The following ANKH variants were observed in gnomAD, a reference collection of about 807,000 sequenced individuals.
The protein encoded by ANKH is ANKH inorganic pyrophosphate transport regulator.
Under a neutral mutation model 49.0 loss-of-function variants are expected in ANKH, and 15 were observed. The ratio of observed to expected loss-of-function variants is 0.31; its 90% CI spans 0.20 to 0.47. The LOEUF is 0.47. ANKH is among the 20% of genes least tolerant of loss of function. The pLI is 1.00. For missense variants in ANKH, 429 were observed against 652.0 expected, an observed-to-expected ratio of 0.66 and a Z score of 3.72; for synonymous variants, 273 against 260.0, an observed-to-expected ratio of 1.05 and a Z score of -0.48.
intron 1 of ANKH, among the ~76,000 whole-genome samples, chr5:14,848,928 C>T (rs1031472292): frequency 3.9e-5 from 6 of 152,180 alleles, no homozygotes; most frequent in Non-Finnish European, 8.8e-5. Flanking sequence ...TAAACTAAAA[C>T]CCTGTCCCCC....
intron 8 of ANKH, among the ~76,000 whole-genome samples, chr5:14,717,707 C>A (rs1234013144): frequency 6.6e-6 from 1 of 152,182 alleles, no homozygotes; most frequent in African/African-American, 2.4e-5. Flanking sequence ...GGCAGAGTTA[C>A]TACAGGTTGA....
At chr5:14,821,585 T>A (rs1741197563) in intron 1 of ANKH, among the ~76,000 whole-genome samples, 1 of 152,226 alleles carries the variant, frequency 6.6e-6, no homozygotes, top group African/African-American at 2.4e-5. Context: ...TAATGTACCA[T>A]CTTCACTGCC....
chr5:14,848,731 G>C (rs993118980), intron 1 of ANKH, among the ~76,000 whole-genome samples: 1 of 152,134 alleles, frequency 6.6e-6, no homozygotes, highest in Non-Finnish European at 1.5e-5. Flanking sequence ...GTTCTCTTCC[G>C]TGACCCACGG....
intron 8 of ANKH, chr5:14,741,340 G>A (rs942142315): frequency 5.2e-6 from 1 of 193,176 alleles, no homozygotes; most frequent in African/African-American, 2.4e-5. Flanking sequence ...TGTATCCTCA[G>A]CAGACAGATG....
At chr5:14,824,934 A>AT (rs768940883) in intron 1 of ANKH, among the ~76,000 whole-genome samples, 4 of 152,250 alleles carry the variant, frequency 2.6e-5, no homozygotes, top group Middle Eastern at 3.2e-3. Flanking sequence ...ACAGTGGAAA[A>AT]TGCTTTGAGA....
chr5:14,789,400 T>C (rs1740086710), intron 1 of ANKH, among the ~76,000 whole-genome samples: 1 of 151,850 alleles, frequency 6.6e-6, no homozygotes, highest in Non-Finnish European at 1.5e-5. Flanking sequence ...TTGCATCACA[T>C]TTAGGTCCCA....
At chr5:14,723,544 C>T (rs1019418922) in intron 8 of ANKH, among the ~76,000 whole-genome samples, 1 of 151,806 alleles carries the variant, frequency 6.6e-6, no homozygotes, top group South Asian at 2.1e-4. Flanking sequence ...GAGGCTAAGG[C>T]GGGAGGACTG....
Position 14,725,013 on chromosome 5 carries a change from A to T in ANKH, c.1012-8178T>A, listed in dbSNP as rs937439195. On this transcript the variant is annotated intron_variant, in intron 8 of 11. Coordinates refer to ENST00000284268, the MANE Select transcript of ANKH (RefSeq NM_054027.6). The surrounding 1 kb of genome is among the most constrained non-coding windows in gnomAD (Gnocchi z 4.0). ...TTTGAATAAAAATCGCTGGCCCTGG[A>T]CATCATTTTTATTTGGCGCTTTTGC... is the stretch of plus-strand genomic sequence containing the variant. Among the ~76,000 whole-genome samples, 5 of 152,010 alleles carry T rather than the reference A, an allele frequency of 3.3e-5. No individual in the cohort carries two copies. Among genetic ancestry groups the T allele is most frequent in the African/African-American group, 1.2e-4 (5 of 41,360 alleles).
chr5:14,856,316 A>G (rs1483407256), intron 1 of ANKH, among the ~76,000 whole-genome samples: 4 of 152,290 alleles, frequency 2.6e-5, no homozygotes, highest in South Asian at 4.1e-4. Flanking sequence ...AAGTCTTTGC[A>G]ATACTATCAT....
intron 1 of ANKH, among the ~76,000 whole-genome samples, chr5:14,841,711 G>C (rs1307820105): frequency 6.6e-6 from 1 of 152,142 alleles, no homozygotes; most frequent in Admixed American, 6.5e-5. Context: ...AACTGAAACT[G>C]TGTCCCCATT....
chr5:14,736,807 A>G (rs1738201470), intron 8 of ANKH, among the ~76,000 whole-genome samples: 1 of 152,144 alleles, frequency 6.6e-6, no homozygotes, highest in African/African-American at 2.4e-5. Flanking sequence ...TCTGCTTGCC[A>G]AGATCCATCT....
chr5:14,729,178 C>T (rs530758128), intron 8 of ANKH, among the ~76,000 whole-genome samples: 4 of 152,148 alleles, frequency 2.6e-5, no homozygotes, highest in Non-Finnish European at 5.9e-5. Flanking sequence ...CTCAGCCTCC[C>T]GAGTGGCTGG....
chr5:14,721,101 C>G (rs1202433987), intron 8 of ANKH, among the ~76,000 whole-genome samples: 1 of 152,236 alleles, frequency 6.6e-6, no homozygotes, highest in African/African-American at 2.4e-5. Flanking sequence ...ACATTGACAT[C>G]AGTATCAGCC....
intron 2 of ANKH, among the ~76,000 whole-genome samples, chr5:14,763,465 G>T (rs1448714320): frequency 2.0e-5 from 3 of 152,212 alleles, no homozygotes; most frequent in African/African-American, 7.2e-5. Flanking sequence ...CCTGCATATG[G>T]GCTGGGACAC....
At chr5:14,846,110 G>A (rs1402785818) in intron 1 of ANKH, among the ~76,000 whole-genome samples, 14 of 152,068 alleles carry the variant, frequency 9.2e-5, no homozygotes, top group Admixed American at 9.2e-4. Context: ...GCCTGCCTCG[G>A]CCTCCCAAAG....
At chr5:14,769,635 GTGT>G (rs1739371742) in intron 1 of ANKH, among the ~76,000 whole-genome samples, 2 of 152,132 alleles carry the variant, frequency 1.3e-5, no homozygotes, top group Admixed American at 6.5e-5. Context: ...GTGTGTGTGT[GTGT>G]GTGTGTTCAT....
At chr5:14,758,732 A>C (rs1415270753) in intron 2 of ANKH, 134 bp from the exon 3 acceptor site, 8 of 737,978 alleles carry the variant, frequency 1.1e-5, no homozygotes, top group Non-Finnish European at 2.4e-6. Flanking sequence ...AGCAAATAGA[A>C]AAAAATCATC....
intron 5 of ANKH, 87 bp downstream of exon 5, chr5:14,750,982 A>G (rs974513414): frequency 6.5e-7 from 1 of 1,539,016 alleles, no homozygotes; most frequent in African/African-American, 1.4e-5. Flanking sequence ...TTTTGATGTC[A>G]CTGATTTCTC....
intron 1 of ANKH, among the ~76,000 whole-genome samples, chr5:14,794,953 T>G (rs187799348): frequency 6.6e-6 from 1 of 152,368 alleles, no homozygotes; most frequent in Non-Finnish European, 1.5e-5. Context: ...ACTGTGTATG[T>G]TCTGAGATAA....
Sources: allele counts gnomAD v4.1 joint callset (sites outside exome capture counted in the v4.1 genomes callset), GRCh38; gene constraint gnomAD v4.1.1; non-coding constraint Gnocchi (gnomAD v3.1); transcripts MANE v1.5; gene names NCBI Gene and HGNC (gene_info 2026-07-23, HGNC 2026-07-21).